TBC1D19: variants seen among roughly 807,000 people sequenced by gnomAD.
TBC1D19 encodes TBC1 domain family member 19.
In TBC1D19, 60 loss-of-function variants were observed where a neutral mutation model predicts 89.0. The ratio of observed to expected loss-of-function variants is 0.67; its 90% CI spans 0.55 to 0.84. The LOEUF (loss-of-function observed/expected upper bound fraction) is 0.84. Ranked by LOEUF, TBC1D19 falls within the 40% of genes least tolerant of loss-of-function variation. TBC1D19 has a pLI of 0.00. For synonymous variants in TBC1D19, 189 were observed against 199.7 expected (o/e 0.95, Z 0.45); for missense variants, 500 against 610.8 (o/e 0.82, Z 1.91).
intron 19 of TBC1D19, among the ~76,000 whole-genome samples, chr4:26,750,179 C>T (rs1012895367): frequency 5.9e-5 from 9 of 152,126 alleles, no homozygotes; most frequent in African/African-American, 2.2e-4. Context: ...CACATTTTCG[C>T]CTCTCCCCAA....
At chr4:26,714,382 C>T (rs191231859) in intron 13 of TBC1D19, among the ~76,000 whole-genome samples, 1 of 152,078 alleles carries the variant, frequency 6.6e-6, no homozygotes, top group Admixed American at 6.6e-5. Context: ...GTGTATGGTG[C>T]TCCTACCACT....
intron 15 of TBC1D19, among the ~76,000 whole-genome samples, chr4:26,731,631 A>G (rs79101128): frequency 6.6e-6 from 1 of 152,144 alleles, no homozygotes; most frequent in Non-Finnish European, 1.5e-5. Context: ...GAAAACAAGT[A>G]TACAGAGTCT....
At chr4:26,646,501 A>G (rs1423317626) in intron 7 of TBC1D19, among the ~76,000 whole-genome samples, 1 of 152,214 alleles carries the variant, frequency 6.6e-6, no homozygotes, top group Non-Finnish European at 1.5e-5. Flanking sequence ...CACTATAAAG[A>G]TACATGCACA....
chr4:26,853,143 C>T, the TBC1D19 span, among the ~76,000 whole-genome samples: 3 of 152,236 alleles, frequency 2.0e-5, no homozygotes, highest in Non-Finnish European at 4.4e-5. Context: ...CCTGCATGTT[C>T]TGGCCCCTAT....
chr4:26,838,007 A>G, the TBC1D19 span, among the ~76,000 whole-genome samples: 2 of 152,208 alleles, frequency 1.3e-5, no homozygotes, highest in Admixed American at 1.3e-4. Flanking sequence ...GTTTGCAGAT[A>G]ACAGTTTCAA....
At chr4:26,617,655 C>G (rs1741777965) in intron 3 of TBC1D19, among the ~76,000 whole-genome samples, 1 of 152,156 alleles carries the variant, frequency 6.6e-6, no homozygotes, top group African/African-American at 2.4e-5. Context: ...AATTATTAGT[C>G]TTAGCCTTAC....
intron 11 of TBC1D19, among the ~76,000 whole-genome samples, chr4:26,676,387 G>A (rs1164036463): frequency 1.3e-5 from 2 of 152,128 alleles, no homozygotes; most frequent in African/African-American, 4.8e-5. Context: ...AATTGCATCA[G>A]TACCTGGTCC....
intron 3 of TBC1D19, among the ~76,000 whole-genome samples, chr4:26,615,356 C>A (rs959006976): frequency 1.3e-5 from 2 of 152,126 alleles, no homozygotes; most frequent in Non-Finnish European, 2.9e-5. Context: ...TGTGGCAGCA[C>A]CGTACTAAGC....
chr4:26,576,758 G>C (rs1268563397), exon 1 of TBC1D19: 1 of 456,278 alleles, frequency 2.2e-6, no homozygotes, highest in African/African-American at 2.0e-5. Flanking sequence ...TCAGGGAGAT[G>C]AAGAGAGGGG....
the TBC1D19 span, among the ~76,000 whole-genome samples, chr4:26,762,731 A>C: frequency 6.6e-6 from 1 of 152,194 alleles, no homozygotes; most frequent in African/African-American, 2.4e-5. Flanking sequence ...ATGTAATGAC[A>C]AGTGTTCTTA....
chr4:26,606,505 T>C (rs899250206), intron 1 of TBC1D19, among the ~76,000 whole-genome samples: 3 of 151,378 alleles, frequency 2.0e-5, no homozygotes, highest in African/African-American at 7.3e-5. Context: ...GGGAGGGGAG[T>C]AGTGATGGTG....
At chr4:26,632,817 A>T (rs1742883044) in intron 4 of TBC1D19, among the ~76,000 whole-genome samples, 1 of 151,886 alleles carries the variant, frequency 6.6e-6, no homozygotes, top group African/African-American at 2.4e-5. Context: ...AATAATCAGA[A>T]CTCTTCTGCC....
intron 1 of TBC1D19, among the ~76,000 whole-genome samples, chr4:26,592,563 T>C (rs1370110216): frequency 2.6e-5 from 4 of 152,272 alleles, no homozygotes; most frequent in Admixed American, 2.0e-4. Context: ...TGTTTGCAGA[T>C]GACATGATTG....
intron 6 of TBC1D19, among the ~76,000 whole-genome samples, chr4:26,639,528 T>C (rs1204337434): frequency 6.6e-6 from 1 of 152,196 alleles, no homozygotes; most frequent in African/African-American, 2.4e-5. Context: ...TTGAAGACTT[T>C]AAAATGTTTT....
At chr4:26,811,485 G>A in the TBC1D19 span, among the ~76,000 whole-genome samples, 6 of 116,794 alleles carry the variant, frequency 5.1e-5, no homozygotes, top group Admixed American at 8.2e-5. Context: ...AGGTGACGAG[G>A]AGCATGGAGA....
At chr4:26,711,746 G>T (rs1298362755) in intron 13 of TBC1D19, among the ~76,000 whole-genome samples, 1 of 151,922 alleles carries the variant, frequency 6.6e-6, no homozygotes, top group Non-Finnish European at 1.5e-5. Context: ...TAATTTGATT[G>T]AAATTGTCAT....
intron 4 of TBC1D19, among the ~76,000 whole-genome samples, chr4:26,629,178 T>A (rs1742634290): frequency 1.3e-5 from 2 of 152,182 alleles, no homozygotes; most frequent in African/African-American, 4.8e-5. Flanking sequence ...TCTCATCCCA[T>A]ATGTTTCTGG....
intron 1 of TBC1D19, among the ~76,000 whole-genome samples, chr4:26,597,364 A>G (rs1439978761): frequency 6.6e-6 from 1 of 151,954 alleles, no homozygotes. Context: ...TCCATTTTGT[A>G]TGGTGTTATT....
At chr4:26,645,528 G>A (rs552347200) in intron 7 of TBC1D19, among the ~76,000 whole-genome samples, 33 of 152,338 alleles carry the variant, frequency 2.2e-4, no homozygotes, top group Middle Eastern at 6.8e-3. Context: ...AGACTTAAAT[G>A]TGAGACCTAA....
Sources: gnomAD v4.1 joint callset for allele counts (sites outside exome capture counted in the v4.1 genomes callset) on GRCh38, gnomAD v4.1.1 for gene constraint, MANE v1.5 for transcripts, NCBI Gene and HGNC (gene_info 2026-07-23, HGNC 2026-07-21) for gene names.